The following ZNF805 variants were observed in gnomAD, a reference collection of about 807,000 sequenced individuals.
ZNF805 encodes the protein zinc finger protein 805, also known as CTC-444N24.8.
Under a neutral mutation model 13.6 loss-of-function variants are expected in ZNF805, and 7 were observed. The ratio of observed to expected loss-of-function variants is 0.51; its 90% CI spans 0.29 to 0.97. ZNF805 has a LOEUF of 0.97. Among genes scored for constraint, ZNF805 ranks in the 50% least tolerant of loss-of-function variants. ZNF805 has a pLI of 0.08. For missense variants in ZNF805, 604 were observed against 771.0 expected, an observed-to-expected ratio of 0.78 and a Z score of 2.57; for synonymous variants, 293 against 279.8, an observed-to-expected ratio of 1.05 and a Z score of -0.47.
chr19:57,253,833 T>G lies in ZNF805; in HGVS notation c.1014T>G (p.Ser338Arg), dbSNP rs753720343. ...PGFIRHYIIH[S>R]GENPYECFEC... Reference sequence around the variant, plus strand: ...TCATTCGACACTACATCATCCACAGTGGTGAGAATCCCTACGAGTGCTTCG... The same window carrying G: ...TCATTCGACACTACATCATCCACAGGGGTGAGAATCCCTACGAGTGCTTCG... Residue 338 changes from serine (S) to arginine (R), a missense_variant, in exon 4 of 4, where the codon AGT becomes AGG. Ser to Arg is a moderately radical substitution (Grantham distance 110, BLOSUM62 -1). Transcript: ENST00000414468. The surrounding 1 kb of genome is among the most constrained non-coding windows in gnomAD (Gnocchi z 4.4). 9 of 1,613,864 alleles carry G rather than the reference T, an allele frequency of 5.6e-6. No individual in the cohort carries two copies. Among genetic ancestry groups the G allele is most frequent in the Admixed American group, 3.3e-5 (2 of 59,988 alleles).
Position 57,253,185 on chromosome 19 carries a change from G to A in ZNF805, c.366G>A (p.Leu122=), listed in dbSNP as rs1423216004. The A allele has an allele frequency of 1.3e-6, 2 of 1,560,288 alleles. No individual in the cohort carries two copies. Among genetic ancestry groups the A allele is most frequent in the Non-Finnish European group, 1.7e-6 (2 of 1,152,716 alleles). The change falls in exon 4 of 4, where the codon TTG becomes TTA. Residue 122 remains leucine (L), a synonymous_variant. Coordinates refer to ENST00000414468, the MANE Select transcript of ZNF805 (RefSeq NM_001023563.4). The surrounding 1 kb of genome is among the most constrained non-coding windows in gnomAD (Gnocchi z 4.4). ...LTQGASGDSQ[L]GQPKDQDGFS... ...AAGGAGCTTCAGGGGACTCCCAGTT[G>A]GGGCAACCCAAGGATCAGGATGGGT...
rs755677399 is a variant in ZNF805, at chr19:57,248,613, G to C, written c.166G>C (p.Val56Leu). Residue 56 changes from valine to leucine, a missense_variant, in exon 3 of 4, where the codon GTT (valine) becomes CTT (leucine). By Grantham distance (32) the Val-to-Leu change is conservative. Transcript: ENST00000414468. ...CGLLVSLGCP[V>L]PRPELIYHLE... ...GCTTTCTCCATAAACAGGGTGTCCT[G>C]TTCCCAGACCTGAGCTGATCTACCA... 5.0e-6 allele frequency: 8 copies of C among 1,590,898 alleles called. No homozygotes were observed. In the South Asian group the frequency reaches 8.0e-5, roughly 16 times the overall value.
At position 57,256,493 on chromosome 19, in the gene ZNF805, T is replaced by G; in HGVS notation, c.*1790T>G. Among the ~76,000 whole-genome samples, 1 of 152,266 alleles carries G rather than the reference T, an allele frequency of 6.6e-6. No individual in the cohort carries two copies. Among genetic ancestry groups the G allele is most frequent in the Admixed American group, 6.5e-5 (1 of 15,294 alleles). ...TTTTGAATGCTTTTTAATTATGTAT[T>G]TATTTTATTTAATAGGTATAGAACT... On this transcript the variant is annotated 3_prime_UTR_variant, in exon 4 of 4. Coordinates refer to ENST00000414468, the MANE Select transcript of ZNF805 (RefSeq NM_001023563.4).
In ZNF805 at chr19:57,253,067, T is replaced by C; in HGVS notation, c.254-6T>C. 1 of 1,436,532 alleles carries C rather than the reference T, an allele frequency of 7.0e-7. No individual in the cohort carries two copies. Among genetic ancestry groups the C allele is most frequent in the Non-Finnish European group, 9.1e-7 (1 of 1,092,990 alleles). The allele number at this position is 1,436,532 out of a possible 1,614,324, so 89.0% of individuals were successfully genotyped here. On this transcript the variant is annotated splice_polypyrimidine_tract_variant and splice_region_variant and intron_variant, in intron 3 of 3. Transcript: ENST00000414468. This position sits in a 1 kb window ranked among gnomAD's most constrained non-coding sequence, Gnocchi z 4.4. ...CAAGCCCTTCTGTGTGTTGGATTTC[T>C]TTCAGGTGACAAAGGAAAACCCAAG...
intron 1 of ZNF805, among the ~76,000 whole-genome samples, chr19:57,241,842 C>A (rs894742567): frequency 3.3e-5 from 5 of 152,230 alleles, no homozygotes; most frequent in African/African-American, 4.8e-5. Flanking sequence ...TCAAATGTCA[C>A]TTCTTTAAAG....
chr19:57,244,985 GGGTGGGCCT>G (rs2087603805), intron 2 of ZNF805, among the ~76,000 whole-genome samples: 2 of 152,026 alleles, frequency 1.3e-5, no homozygotes, highest in Admixed American at 1.3e-4. Context: ...GGATCTGCCT[GGGTGGGCCT>G]GGTTGCTCAT....
At chr19:57,247,954 C>T (rs1165636677) in intron 2 of ZNF805, among the ~76,000 whole-genome samples, 3 of 152,196 alleles carry the variant, frequency 2.0e-5, no homozygotes, top group Admixed American at 1.3e-4. Flanking sequence ...CGCCTGTAAT[C>T]CTAGCACTCT....
chr19:57,244,380 T>A (rs1180963894), intron 2 of ZNF805, among the ~76,000 whole-genome samples: 1 of 151,614 alleles, frequency 6.6e-6, no homozygotes, highest in African/African-American at 2.4e-5. Flanking sequence ...CTGGCTAATT[T>A]TTGTATTTTC....
chr19:57,261,460 C>T lies in ZNF805; in HGVS notation c.*6757C>T, dbSNP rs1226319238. 1 of 167,050 alleles carries T rather than the reference C, an allele frequency of 6.0e-6. No homozygotes were observed. Among genetic ancestry groups the T allele is most frequent in the Non-Finnish European group, 1.5e-5 (1 of 68,114 alleles). The allele number at this position is 167,050 out of a possible 1,614,324, so 10.3% of individuals were successfully genotyped here. A position where few individuals can be genotyped will look rare whatever the true frequency, so the allele number is the denominator to read the frequency against. ...CAAACCAGACACATTGTGGCCATTT[C>T]TTTTTCCTTTATCATTCCCACGTCC... On this transcript the variant is annotated 3_prime_UTR_variant, in exon 4 of 4. Coordinates refer to ENST00000414468, the MANE Select transcript of ZNF805 (RefSeq NM_001023563.4).
At chr19:57,241,195 T>C (rs572953903) in intron 1 of ZNF805, among the ~76,000 whole-genome samples, 1 of 152,238 alleles carries the variant, frequency 6.6e-6, no homozygotes, top group South Asian at 2.1e-4. Context: ...CCTCCTGTTC[T>C]GCAATAAACT....
Position 57,245,588 on chromosome 19 carries a change from G to T in ZNF805, c.157+1539G>T, listed in dbSNP as rs919519462. Among the ~76,000 whole-genome samples, 217 of 149,024 alleles carry T rather than the reference G, an allele frequency of 1.5e-3. 4 individuals carry two copies. The highest frequency in any genetic ancestry group is 4.3e-4 in the Non-Finnish European group (29 of 67,136). On this transcript the variant is annotated intron_variant, in intron 2 of 3. Coordinates refer to ENST00000414468, the MANE Select transcript of ZNF805 (RefSeq NM_001023563.4). ...AGGTCAGGAGATAGAGACCATCCTG[G>T]CTAACACGGTGCAACCCTGTCTCTA...
Position 57,243,907 on chromosome 19 carries a change from CTA to C in ZNF805, c.31-14_31-13del, listed in dbSNP as rs2087594930. 1.2e-6 allele frequency: 2 copies of C among 1,614,144 alleles called. No homozygotes were observed. The highest frequency in any genetic ancestry group is 1.7e-5 in the Admixed American group (1 of 60,018). ...AGTCCCACAGCAAACTCTACTACCT[CTA>C]TTTGACATTTCAGGTGTCTGTGACC... On this transcript the variant is annotated splice_polypyrimidine_tract_variant and intron_variant, in intron 1 of 3. Coordinates refer to ENST00000414468, the MANE Select transcript of ZNF805 (RefSeq NM_001023563.4).
rs1054629115 is a variant in ZNF805, at chr19:57,258,598, T to C, written c.*3895T>C. 2.0e-5 allele frequency among the ~76,000 whole-genome samples: 3 copies of C among 149,306 alleles called. No homozygotes were observed. Among genetic ancestry groups the C allele is most frequent in the African/African-American group, 7.3e-5 (3 of 41,012 alleles). On this transcript the variant is annotated 3_prime_UTR_variant, in exon 4 of 4. Coordinates refer to ENST00000414468, the MANE Select transcript of ZNF805 (RefSeq NM_001023563.4). ...TAATTACAGTTAATGGTATGAAAAA[T>C]TTAGCACTTTGATGTATAGAAACCT...
In ZNF805 at chr19:57,244,860, G is replaced by A. The variant is rs142380432; in HGVS notation, c.157+811G>A. ...TCTGTTTCTCTGGCCTCTGTGGGGC[G>A]TGTTTGAGGCAGCAAATGCTGCTCC... On this transcript the variant is annotated intron_variant, in intron 2 of 3. Coordinates refer to ENST00000414468, the MANE Select transcript of ZNF805 (RefSeq NM_001023563.4). 3.2e-3 allele frequency among the ~76,000 whole-genome samples: 483 copies of A among 152,160 alleles called. 4 individuals carry two copies. The highest frequency in any genetic ancestry group is 0.011 in the African/African-American group (464 of 41,526).
At position 57,253,472 on chromosome 19, in the gene ZNF805, T is replaced by G. The variant is rs1427477038; in HGVS notation, c.653T>G (p.Leu218Arg). The G allele has an allele frequency of 3.8e-6, 6 of 1,598,418 alleles. 1 individual carries two copies. The South Asian group carries it at 6.7e-5, about 18-fold the overall frequency. Residue 218 changes from leucine to arginine, a missense_variant, in exon 4 of 4, where the codon CTT (leucine) becomes CGT (arginine). Physicochemically the swap from Leu to Arg is moderately radical, Grantham distance 102. Transcript: ENST00000414468. The surrounding 1 kb of genome is among the most constrained non-coding windows in gnomAD (Gnocchi z 4.4). ...CEKVFNKKRL[L>R]ARHERIHSGV... is the part of the protein sequence containing the mutation. ...AAAGTGTTTAACAAGAAACGCCTGC[T>G]TGCTCGGCATGAGAGGATTCACTCT...
Position 57,248,616 on chromosome 19 carries a change from C to G in ZNF805, c.169C>G (p.Pro57Ala), listed in dbSNP as rs779484793. 15 of 1,592,574 alleles carry G rather than the reference C, an allele frequency of 9.4e-6. No homozygotes were observed. The highest frequency in any genetic ancestry group is 3.5e-5 in the Admixed American group (2 of 56,640). ...GLLVSLGCPV[P>A]RPELIYHLEH... ...TTCTCCATAAACAGGGTGTCCTGTT[C>G]CCAGACCTGAGCTGATCTACCACCT... Residue 57 changes from proline (P) to alanine (A), a missense_variant, in exon 3 of 4, where the codon CCC becomes GCC. Physicochemically the swap from Pro to Ala is conservative, Grantham distance 27 (BLOSUM62 -1). Coordinates refer to ENST00000414468, the MANE Select transcript of ZNF805 (RefSeq NM_001023563.4).
At chr19:57,250,203 C>T (rs1041887845) in intron 3 of ZNF805, among the ~76,000 whole-genome samples, 7 of 152,150 alleles carry the variant, frequency 4.6e-5, no homozygotes, top group African/African-American at 1.7e-4. Flanking sequence ...CTGAATTCAT[C>T]CCTCTATCAC....
In ZNF805 at chr19:57,255,065, T is replaced by C; in HGVS notation, c.*362T>C. ...GTCTCTTCTTAAGAAGCATTGTTTT[T>C]ATGAGAAATAATGAAGCCTTGAGTT... On this transcript the variant is annotated 3_prime_UTR_variant, in exon 4 of 4. Transcript: ENST00000414468. 1 of 192,944 alleles carries C rather than the reference T, an allele frequency of 5.2e-6. No individual in the cohort carries two copies. The allele number at this position is 192,944 out of a possible 1,614,324, so 12.0% of individuals were successfully genotyped here. A position where few individuals can be genotyped will look rare whatever the true frequency, so the allele number is the denominator to read the frequency against.
intron 2 of ZNF805, among the ~76,000 whole-genome samples, chr19:57,245,703 C>T (rs538470560): frequency 1.3e-4 from 20 of 151,294 alleles, no homozygotes; most frequent in South Asian, 1.1e-3. Flanking sequence ...GGCGTGAACC[C>T]AGGAGGCGGA....
Sources: gnomAD v4.1 joint callset for allele counts (sites outside exome capture counted in the v4.1 genomes callset) on GRCh38, gnomAD v4.1.1 for gene constraint, Gnocchi (gnomAD v3.1) non-coding constraint, MANE v1.5 for transcripts, NCBI Gene and HGNC (gene_info 2026-07-23, HGNC 2026-07-21) for gene names.